Variants in FSIP2 observed in about 807,000 individuals in gnomAD.
The protein encoded by FSIP2 is fibrous sheath-interacting protein 2.
A neutral mutation model predicts 510.5 loss-of-function variants in FSIP2; 367 were observed. That is an observed-to-expected ratio of 0.72 (90% CI 0.66 to 0.78). FSIP2 has a LOEUF of 0.78. Ranked by LOEUF, FSIP2 falls within the 30% of genes least tolerant of loss-of-function variation. The probability of loss-of-function intolerance (pLI) is 0.00; values close to 1 mark genes in which losing one functional copy is unlikely to be tolerated. For synonymous variants in FSIP2, 2,601 were observed against 2,732.2 expected, an observed-to-expected ratio of 0.95 and a Z score of 1.50; for missense variants, 7,594 against 7,901.7, an observed-to-expected ratio of 0.96 and a Z score of 1.48.
intron 15 of FSIP2, among the ~76,000 whole-genome samples, chr2:185,787,604 A>G (rs1485918626): frequency 1.3e-5 from 2 of 151,784 alleles, no homozygotes; most frequent in African/African-American, 2.4e-5. Flanking sequence ...GTACTACTTT[A>G]TTATATGTAA....
rs1574161801 is a variant in FSIP2 at position 185,763,046 on chromosome 2, A to G, written c.1241-137A>G. The G allele has an allele frequency of 8.7e-6, 5 of 575,182 alleles. No homozygotes were observed. In the East Asian group the frequency reaches 1.4e-4, roughly 16 times the overall value. 35.6% of individuals were successfully genotyped at this position (575,182 alleles called of 1,614,324 possible). ...TTGGAGATATTTCCTTGACTCAAAT[A>G]AATCCCTGATTGTGGCAATTCTAGT... On this transcript the variant is annotated intron_variant, in intron 11 of 22. Coordinates refer to ENST00000424728, the MANE Select transcript of FSIP2 (RefSeq NM_173651.4).
Position 185,807,710 on chromosome 2 carries a change from G to T in FSIP2, c.18404G>T (p.Cys6135Phe). 6.2e-7 allele frequency: 1 copy of T among 1,612,708 alleles called. No individual in the cohort carries two copies. ...AGCAATCAGCTGCAGAGCTATTTTT[G>T]TGGAGAGCTAACTCCACATCAGTGT... ...VASNQLQSYF[C>F]GELTPHQCVE... The change falls in exon 17 of 23, where the codon TGT (cysteine) becomes TTT (phenylalanine). Residue 6135 changes from cysteine (C) to phenylalanine (F), a missense_variant. Cys to Phe is a radical substitution (Grantham distance 205). Coordinates refer to ENST00000424728, the MANE Select transcript of FSIP2 (RefSeq NM_173651.4).
chr2:185,803,786 T>C lies in FSIP2; in HGVS notation c.14480T>C (p.Ile4827Thr). 1 of 1,520,800 alleles carries C rather than the reference T, an allele frequency of 6.6e-7. No individual in the cohort carries two copies. The highest frequency in any genetic ancestry group is 8.8e-7 in the Non-Finnish European group (1 of 1,139,012). 94.2% of individuals were successfully genotyped at this position (1,520,800 alleles called of 1,614,324 possible). The part of the protein sequence containing the change: ...TTKSDLSNTV[I>T]KLINEIMSII... ...AAATCAGACTTAAGTAATACAGTGA[T>C]AAAACTGATAAATGAAATTATGTCA... Residue 4827 changes from isoleucine (I) to threonine (T), a missense_variant, in exon 17 of 23, where the codon ATA becomes ACA. Coordinates refer to ENST00000424728, the MANE Select transcript of FSIP2 (RefSeq NM_173651.4).
At chr2:185,819,389 GAGAT>G (rs1409425764) in intron 19 of FSIP2, among the ~76,000 whole-genome samples, 3 of 151,834 alleles carry the variant, frequency 2.0e-5, no homozygotes, top group African/African-American at 7.2e-5. Context: ...TTAATCAAAA[GAGAT>G]AGAATGACAA....
At chr2:185,813,458 T>C in intron 17 of FSIP2, 87 bp from the exon 18 acceptor site, 1 of 723,838 alleles carries the variant, frequency 1.4e-6, no homozygotes, top group South Asian at 3.7e-5. Context: ...AAACTAGAAA[T>C]TATAAGAAAA....
chr2:185,831,761 A>G (rs548291165), intron 21 of FSIP2, 52 bp from the exon 22 acceptor site: 1 of 1,114,374 alleles, frequency 9.0e-7, no homozygotes, highest in Admixed American at 1.7e-5. Context: ...GGGTATATCT[A>G]GTGTTTGTGT....
intron 14 of FSIP2, among the ~76,000 whole-genome samples, chr2:185,785,755 G>A (rs535444897): frequency 6.6e-6 from 1 of 151,946 alleles, no homozygotes; most frequent in Non-Finnish European, 1.5e-5. Flanking sequence ...TTAACCCATA[G>A]TTACTGAATA....
chr2:185,829,552 T>C (rs1044097553), intron 21 of FSIP2, among the ~76,000 whole-genome samples: 6 of 151,992 alleles, frequency 3.9e-5, no homozygotes, highest in African/African-American at 1.4e-4. Flanking sequence ...TCCTGTGAGA[T>C]GGAGAATCTG....
chr2:185,762,838 C>A (rs1692383564), intron 11 of FSIP2, among the ~76,000 whole-genome samples: 1 of 151,418 alleles, frequency 6.6e-6, no homozygotes, highest in African/African-American at 2.4e-5. Flanking sequence ...ATTTCACTAT[C>A]CAGATGATTT....
At position 185,739,456 on chromosome 2, in the gene FSIP2, G is replaced by A; in HGVS notation, c.210G>A (p.Thr70=). 6.6e-7 allele frequency: 1 copy of A among 1,504,530 alleles called. No homozygotes were observed. Among genetic ancestry groups the A allele is most frequent in the Non-Finnish European group, 8.8e-7 (1 of 1,132,398 alleles). 93.2% of individuals were successfully genotyped at this position (1,504,530 alleles called of 1,614,324 possible). The change falls in exon 2 of 23, where the codon ACG becomes ACA. Residue 70 remains threonine (T), a synonymous_variant. Coordinates refer to ENST00000424728, the MANE Select transcript of FSIP2 (RefSeq NM_173651.4). ...GAAGCAATGCTGTATTCTATACTAC[G>A]AATTTCGGTGAAAAGGTGAACAAGT... ...IPGSNAVFYT[T]NFGEKLFRPS...
At position 185,801,125 on chromosome 2, in the gene FSIP2, C is replaced by G; in HGVS notation, c.11819C>G (p.Ser3940Cys). Residue 3940 changes from serine (S) to cysteine (C), a missense_variant, in exon 17 of 23, where the codon TCT (serine) becomes TGT (cysteine). Ser to Cys is a moderately radical substitution (Grantham distance 112, BLOSUM62 -1). Transcript: ENST00000424728. ...AAGCATTGTGCAGTAAAATCCTCTT[C>G]TGTGTCACCTTTTGAAAGACAGAGA... ...FNKHCAVKSS[S>C]VSPFERQRTK... 3 of 1,533,552 alleles carry G rather than the reference C, an allele frequency of 2.0e-6. No homozygotes were observed. The highest frequency in any genetic ancestry group is 2.6e-6 in the Non-Finnish European group (3 of 1,145,446). The allele number at this position is 1,533,552 out of a possible 1,614,324, so 95.0% of individuals were successfully genotyped here.
At position 185,802,115 on chromosome 2, in the gene FSIP2, A is replaced by C. The variant is rs1489407649; in HGVS notation, c.12809A>C (p.His4270Pro). Residue 4270 changes from histidine to proline, a missense_variant, in exon 17 of 23, where the codon CAT becomes CCT. Coordinates refer to ENST00000424728, the MANE Select transcript of FSIP2 (RefSeq NM_173651.4). ...TTTTTGAGTGGAGAGGTTTTATGTC[A>C]TCCAAGGACTCCACTGGATCCAGTG... ...QPFLSGEVLC[H>P]PRTPLDPVST... 19 of 1,533,374 alleles carry C rather than the reference A, an allele frequency of 1.2e-5. No homozygotes were observed. The highest frequency in any genetic ancestry group is 1.6e-5 in the Non-Finnish European group (18 of 1,145,160). The allele number at this position is 1,533,374 out of a possible 1,614,324, so 95.0% of individuals were successfully genotyped here.
rs1693599607 is a variant in FSIP2 at position 185,807,088 on chromosome 2, T to C, written c.17782T>C (p.Tyr5928His). ...HSSVCNILND[Y>H]GSQDSIWKNI... ...CTCTGTTTGTAATATTTTAAATGAC[T>C]ATGGATCTCAAGACTCTATTTGGAA... The change falls in exon 17 of 23, where the codon TAT (tyrosine) becomes CAT (histidine). Residue 5928 changes from tyrosine (Y) to histidine (H), a missense_variant. Tyr to His is a moderately conservative substitution (Grantham distance 83). Transcript: ENST00000424728. 1 of 1,594,522 alleles carries C rather than the reference T, an allele frequency of 6.3e-7. No homozygotes were observed. The highest frequency in any genetic ancestry group is 2.2e-5 in the East Asian group (1 of 44,758).
chr2:185,756,072 C>A, intron 8 of FSIP2, 120 bp from the exon 9 acceptor site: 1 of 380,982 alleles, frequency 2.6e-6, no homozygotes, highest in Non-Finnish European at 4.7e-6. Flanking sequence ...TTCTCGCAAT[C>A]CCACATACAG....
At chr2:185,764,804 G>T (rs1243231577) in intron 13 of FSIP2, 3 of 421,722 alleles carry the variant, frequency 7.1e-6, no homozygotes, top group African/African-American at 6.2e-5. Flanking sequence ...ATGGGAAAGA[G>T]AATGCATAGA....
intron 19 of FSIP2, 47 bp downstream of exon 19, chr2:185,815,518 A>G (rs1237692359): frequency 1.1e-6 from 1 of 918,276 alleles, no homozygotes; most frequent in Non-Finnish European, 1.7e-6. Flanking sequence ...GATAAAGTAG[A>G]GCTTATGAGT....
rs1352627088 is a variant in FSIP2, at chr2:185,756,534, T to C, written c.1078+256T>C. 3.3e-5 allele frequency among the ~76,000 whole-genome samples: 5 copies of C among 151,518 alleles called. No homozygotes were observed. In the Admixed American group the frequency reaches 3.3e-4, roughly 10 times the overall value. ...GAAAATTAAATGAAGGTTATGTTACTATTAAATATATAATACAGCATGCCT... is the reference window on the plus strand; with the variant it reads ...GAAAATTAAATGAAGGTTATGTTACCATTAAATATATAATACAGCATGCCT... On this transcript the variant is annotated intron_variant, in intron 9 of 22. Coordinates refer to ENST00000424728, the MANE Select transcript of FSIP2 (RefSeq NM_173651.4).
chr2:185,764,823 G>T (rs1012802330), intron 13 of FSIP2: 8 of 316,376 alleles, frequency 2.5e-5, no homozygotes, highest in Non-Finnish European at 4.0e-5. Context: ...GACCTATCTA[G>T]GGTCATCATA....
chr2:185,786,183 A>T, intron 14 of FSIP2, 69 bp from the exon 15 acceptor site: 1 of 976,398 alleles, frequency 1.0e-6, no homozygotes, highest in Non-Finnish European at 1.5e-6. Flanking sequence ...CAATAATTAG[A>T]AATTTTGGGA....
Sources: allele counts gnomAD v4.1 joint callset (sites outside exome capture counted in the v4.1 genomes callset), GRCh38; gene constraint gnomAD v4.1.1; transcripts MANE v1.5; gene names NCBI Gene and HGNC (gene_info 2026-07-23, HGNC 2026-07-21).